The following ATAD5 variants were observed in gnomAD, a reference collection of about 807,000 sequenced individuals.
The protein encoded by ATAD5 is ATPase family AAA domain containing 5.
ATAD5 carries 58 observed loss-of-function variants against 176.9 expected under a neutral mutation model. The ratio of observed to expected loss-of-function variants is 0.33; its 90% CI spans 0.27 to 0.41. The LOEUF (loss-of-function observed/expected upper bound fraction) is 0.41. Ranked by LOEUF, ATAD5 falls within the 10% of genes least tolerant of loss-of-function variation. ATAD5 has a pLI of 1.00. For synonymous variants in ATAD5, 640 were observed against 712.6 expected (o/e 0.90, Z 1.62); for missense variants, 1,789 against 2,094.1 (o/e 0.85, Z 2.84).
chr17:30,832,097 T>C lies in ATAD5; in HGVS notation c.-251T>C. On this transcript the variant is annotated 5_prime_UTR_variant, in exon 1 of 23. Transcript: ENST00000321990. ...TGAAGCGCCGCTTTCGAGGGCACCC[T>C]GCATACACTGGCCGCGCCTCAGGGA... The C allele has an allele frequency of 2.6e-6, 1 of 390,244 alleles. No homozygotes were observed. The highest frequency in any genetic ancestry group is 4.5e-6 in the Non-Finnish European group (1 of 220,596). The allele number at this position is 390,244 out of a possible 1,614,324, so 24.2% of individuals were successfully genotyped here.
rs564125064 is a variant in ATAD5 at position 30,834,559 on chromosome 17, C to T, written c.478C>T (p.Arg160Cys). Residue 160 changes from arginine to cysteine, a missense_variant, in exon 2 of 23, where the codon CGT (arginine) becomes TGT (cysteine). Around this residue, in one of 6 missense-constraint regions of ATAD5, gnomAD observed 696 missense variants for 712.5 expected, o/e 0.98. Coordinates refer to ENST00000321990, the MANE Select transcript of ATAD5 (RefSeq NM_024857.5). ...DFVESSTSVL[R>C]YKKQVEVLAE... is the part of the protein sequence containing the mutation. ...TGTGGAAAGTAGTACTTCTGTTTTACGTTACAAGAAACAAGTAGAGGTACT... is the reference window on the plus strand; with the variant it reads ...TGTGGAAAGTAGTACTTCTGTTTTATGTTACAAGAAACAAGTAGAGGTACT... 41 of 1,603,798 alleles carry T rather than the reference C, an allele frequency of 2.6e-5. No homozygotes were observed. The highest frequency in any genetic ancestry group is 8.9e-5 in the East Asian group (4 of 44,790).
In ATAD5 at chr17:30,859,400, C is replaced by T. The variant is rs961747844; in HGVS notation, c.2957-1033C>T. On this transcript the variant is annotated intron_variant, in intron 9 of 22. Coordinates refer to ENST00000321990, the MANE Select transcript of ATAD5 (RefSeq NM_024857.5). Reference sequence around the variant, plus strand: ...TTTGAGACAGAGTCTTGCTCTGACACCCAGGCTGAAGTGCAGTGGCGCGAT... The same window carrying T: ...TTTGAGACAGAGTCTTGCTCTGACATCCAGGCTGAAGTGCAGTGGCGCGAT... Among the ~76,000 whole-genome samples, 3 of 152,076 alleles carry T rather than the reference C, an allele frequency of 2.0e-5. No homozygotes were observed. The South Asian group carries it at 6.2e-4, about 32-fold the overall frequency.
chr17:30,880,770 A>G (rs1487101946), intron 18 of ATAD5, among the ~76,000 whole-genome samples: 3 of 152,112 alleles, frequency 2.0e-5, no homozygotes, highest in Admixed American at 2.0e-4. Context: ...TTCAATGTTC[A>G]CTAGGTTTTT....
At chr17:30,852,079 G>A (rs776322975) in intron 6 of ATAD5, among the ~76,000 whole-genome samples, 1 of 152,106 alleles carries the variant, frequency 6.6e-6, no homozygotes, top group Non-Finnish European at 1.5e-5. Flanking sequence ...TTTCCAAATG[G>A]CAATTCTCTA....
At chr17:30,853,378 CCT>C (rs1343030163) in intron 6 of ATAD5, among the ~76,000 whole-genome samples, 4 of 151,468 alleles carry the variant, frequency 2.6e-5, no homozygotes, top group Non-Finnish European at 4.4e-5. Flanking sequence ...ACCTTGTACC[CCT>C]CTCCTTAACA....
chr17:30,881,116 A>G (rs1434587824), intron 18 of ATAD5, among the ~76,000 whole-genome samples: 1 of 151,770 alleles, frequency 6.6e-6, no homozygotes, highest in Admixed American at 6.6e-5. Flanking sequence ...CTAAAAAAAA[A>G]AAGTTTTTAA....
intron 6 of ATAD5, among the ~76,000 whole-genome samples, chr17:30,847,507 T>C (rs1906589062): frequency 6.6e-6 from 1 of 151,200 alleles, no homozygotes; most frequent in African/African-American, 2.4e-5. Context: ...ATTTTTTGTA[T>C]TTTTAGTAGA....
intron 14 of ATAD5, among the ~76,000 whole-genome samples, chr17:30,873,863 G>C (rs1261264023): frequency 6.6e-6 from 1 of 150,802 alleles, no homozygotes; most frequent in Admixed American, 6.6e-5. Flanking sequence ...GGCTAAGCAT[G>C]TATTTTTAAA....
chr17:30,891,902 T>C (rs1470679649), intron 19 of ATAD5, among the ~76,000 whole-genome samples: 1 of 149,526 alleles, frequency 6.7e-6, no homozygotes, highest in East Asian at 2.0e-4. Flanking sequence ...CCCAGGATGG[T>C]CTCGAACTTG....
intron 17 of ATAD5, among the ~76,000 whole-genome samples, chr17:30,878,720 T>TTTTTTG (rs1908818867): frequency 1.4e-5 from 1 of 69,998 alleles, no homozygotes; most frequent in African/African-American, 1.1e-4. Flanking sequence ...TAGGTGGTGT[T>TTTTTTG]TTTTTTTTTT....
chr17:30,855,129 C>A lies in ATAD5; in HGVS notation c.2451-14C>A, dbSNP rs1333290572. On this transcript the variant is annotated splice_polypyrimidine_tract_variant and intron_variant, in intron 6 of 22. Coordinates refer to ENST00000321990, the MANE Select transcript of ATAD5 (RefSeq NM_024857.5). ...TAACCTTAGCTTTTCTTTTTCAAAT[C>A]ATTTTCTTAAAAGTCAAGATACATC... 2.5e-6 allele frequency: 4 copies of A among 1,569,154 alleles called. No homozygotes were observed. Among genetic ancestry groups the A allele is most frequent in the South Asian group, 1.2e-5 (1 of 84,706 alleles).
At position 30,835,049 on chromosome 17, in the gene ATAD5, C is replaced by A; in HGVS notation, c.968C>A (p.Thr323Asn). The change falls in exon 2 of 23, where the codon ACT becomes AAT. Residue 323 changes from threonine to asparagine, a missense_variant. By Grantham distance (65) the Thr-to-Asn change is moderately conservative. Coordinates refer to ENST00000321990, the MANE Select transcript of ATAD5 (RefSeq NM_024857.5). ...CAGCAGGTACGCTTTAAGACAGTTA[C>A]TGTTCTTGCACAGGTTCACCCTATT... ...ISQQVRFKTV[T>N]VLAQVHPIPP... The A allele has an allele frequency of 6.2e-7, 1 of 1,614,014 alleles. No individual in the cohort carries two copies. Among genetic ancestry groups the A allele is most frequent in the South Asian group, 1.1e-5 (1 of 91,062 alleles).
At chr17:30,847,717 A>ATTTT (rs755487967) in intron 6 of ATAD5, among the ~76,000 whole-genome samples, 6 of 101,684 alleles carry the variant, frequency 5.9e-5, no homozygotes, top group African/African-American at 1.7e-4. Flanking sequence ...TGCTATGAAC[A>ATTTT]TTTTTTTTTT....
intron 6 of ATAD5, among the ~76,000 whole-genome samples, chr17:30,848,494 G>T (rs369773980): frequency 2.2e-4 from 34 of 152,054 alleles, no homozygotes; most frequent in African/African-American, 8.2e-4. Context: ...CTTGGACTCA[G>T]GTGATCTACC....
chr17:30,876,320 T>A, intron 14 of ATAD5, 54 bp from the exon 15 acceptor site: 1 of 1,471,458 alleles, frequency 6.8e-7, no homozygotes, highest in Non-Finnish European at 9.2e-7. Context: ...ACTGTCTTGC[T>A]ACCTGTATGA....
chr17:30,890,420 T>TC (rs1555561513), intron 19 of ATAD5, among the ~76,000 whole-genome samples: 1 of 131,664 alleles, frequency 7.6e-6, no homozygotes, highest in Non-Finnish European at 1.7e-5. Flanking sequence ...CTTCTTTTCT[T>TC]TTTTTTTTTT....
At chr17:30,868,839 T>G (rs1056773739) in intron 12 of ATAD5, among the ~76,000 whole-genome samples, 36 of 149,776 alleles carry the variant, frequency 2.4e-4, no homozygotes, top group Non-Finnish European at 4.9e-4. Flanking sequence ...ATTTTATATT[T>G]GATTTTCTAC....
At chr17:30,887,755 G>A (rs1909399585) in intron 19 of ATAD5, among the ~76,000 whole-genome samples, 3 of 152,248 alleles carry the variant, frequency 2.0e-5, no homozygotes. Context: ...GTTTGAGGCT[G>A]CAGTGAGCTA....
At chr17:30,860,943 G>A (rs894701130) in intron 10 of ATAD5, among the ~76,000 whole-genome samples, 8 of 150,588 alleles carry the variant, frequency 5.3e-5, no homozygotes, top group East Asian at 3.9e-4. Context: ...AGTCTTGCAC[G>A]GTCGCCCGGG....
Sources: allele counts gnomAD v4.1 joint callset (sites outside exome capture counted in the v4.1 genomes callset), GRCh38; gene constraint gnomAD v4.1.1; regional missense constraint gnomAD v4.1.1; transcripts MANE v1.5; gene names NCBI Gene and HGNC (gene_info 2026-07-23, HGNC 2026-07-21).